CTNNA3: variants seen among roughly 807,000 people sequenced by gnomAD.
CTNNA3 encodes the protein catenin alpha-3.
Under a neutral mutation model 95.7 loss-of-function variants are expected in CTNNA3, and 76 were observed. The observed-to-expected ratio is 0.79, with a 90% CI of 0.66 to 0.96. The LOEUF (loss-of-function observed/expected upper bound fraction) is 0.96. Among genes scored for constraint, CTNNA3 ranks in the 40% least tolerant of loss-of-function variants. The probability of loss-of-function intolerance (pLI) is 0.00; values close to 1 mark genes in which losing one functional copy is unlikely to be tolerated. For missense variants in CTNNA3, 1,191 were observed against 1,089.8 expected (o/e 1.09, Z -1.31); for synonymous variants, 431 against 374.4 (o/e 1.15, Z -1.74).
intron 13 of CTNNA3, among the ~76,000 whole-genome samples, chr10:66,167,905 C>T (rs370525011): frequency 1.3e-5 from 2 of 152,102 alleles, no homozygotes; most frequent in Non-Finnish European, 2.9e-5. Flanking sequence ...GCCTTAATAT[C>T]CCAGATACAC....
At chr10:67,396,079 T>C (rs1173415282) in intron 5 of CTNNA3, among the ~76,000 whole-genome samples, 1 of 152,120 alleles carries the variant, frequency 6.6e-6, no homozygotes, top group Non-Finnish European at 1.5e-5. Context: ...AAATTTTAAA[T>C]GACATAAAAA....
At chr10:65,967,066 C>T (rs1043648809) in intron 16 of CTNNA3, among the ~76,000 whole-genome samples, 8 of 152,084 alleles carry the variant, frequency 5.3e-5, no homozygotes, top group Admixed American at 3.3e-4. Context: ...AAGTGATTCT[C>T]CTGTCTCAGC....
intron 14 of CTNNA3, among the ~76,000 whole-genome samples, chr10:66,070,718 T>G (rs2080417770): frequency 6.6e-6 from 1 of 152,138 alleles, no homozygotes; most frequent in Non-Finnish European, 1.5e-5. Flanking sequence ...CCCTCCTGTC[T>G]AAGTTTCCCT....
Position 66,386,415 on chromosome 10 carries a change from G to A in CTNNA3, c.1532-7063C>T, listed in dbSNP as rs941274226. Among the ~76,000 whole-genome samples, 44 of 152,044 alleles carry A rather than the reference G, an allele frequency of 2.9e-4. 1 individual carries two copies. Among genetic ancestry groups the A allele is most frequent in the African/African-American group, 9.4e-4 (39 of 41,400 alleles). ...GAAGTGAAGGACCACTTCAAGGAGA[G>A]CTACAAACCACTGCTCAATGAAATA... On this transcript the variant is annotated intron_variant, in intron 11 of 17. Transcript: ENST00000433211.
chr10:67,442,173 G>A (rs1369486166), intron 5 of CTNNA3, among the ~76,000 whole-genome samples: 28 of 152,030 alleles, frequency 1.8e-4, no homozygotes, highest in Admixed American at 1.8e-3. Context: ...CGGGTTATAA[G>A]ATAGTATTTG....
chr10:67,249,900 A>G (rs1866040048), intron 5 of CTNNA3, among the ~76,000 whole-genome samples: 1 of 152,216 alleles, frequency 6.6e-6, no homozygotes, highest in South Asian at 2.1e-4. Context: ...AAACCCACAC[A>G]GACATGGGTA....
At chr10:66,002,089 T>C (rs2078781505) in intron 15 of CTNNA3, among the ~76,000 whole-genome samples, 1 of 152,108 alleles carries the variant, frequency 6.6e-6, no homozygotes, top group Non-Finnish European at 1.5e-5. Flanking sequence ...ATTACAAGAG[T>C]AGGGGAATTC....
intron 10 of CTNNA3, among the ~76,000 whole-genome samples, chr10:66,610,167 G>C (rs1414171207): frequency 1.3e-5 from 2 of 152,038 alleles, no homozygotes; most frequent in African/African-American, 2.4e-5. Flanking sequence ...TAATACCTGG[G>C]TGACAAAATA....
At chr10:67,441,332 C>A (rs893214604) in intron 5 of CTNNA3, among the ~76,000 whole-genome samples, 2 of 149,938 alleles carry the variant, frequency 1.3e-5, no homozygotes, top group Non-Finnish European at 3.0e-5. Context: ...CTCGAAAGGG[C>A]AAATCTAAGA....
intron 10 of CTNNA3, among the ~76,000 whole-genome samples, chr10:66,552,817 T>C (rs1842260660): frequency 6.6e-6 from 1 of 152,130 alleles, no homozygotes; most frequent in South Asian, 2.1e-4. Flanking sequence ...CCTTGAAGTC[T>C]ATCTTCTCTG....
At chr10:66,447,069 T>A (rs1312748561) in intron 11 of CTNNA3, among the ~76,000 whole-genome samples, 1 of 151,586 alleles carries the variant, frequency 6.6e-6, no homozygotes, top group Non-Finnish European at 1.5e-5. Context: ...TGAACTCCCA[T>A]TCACAATTGC....
In CTNNA3 at chr10:66,566,650, C is replaced by CGCT. The variant is rs529939649; in HGVS notation, c.1375-45880_1375-45878dup. 3.7e-4 allele frequency among the ~76,000 whole-genome samples: 56 copies of CGCT among 152,176 alleles called. 2 individuals are homozygous for CGCT. In the South Asian group the frequency reaches 0.011, roughly 31 times the overall value. On this transcript the variant is annotated intron_variant, in intron 10 of 17. Transcript: ENST00000433211. ...AGTACAATGTGAATCTCCTTCCCAT[C>CGCT]GCTGTCTCCTTGTCCTCTTCATGCT... is the stretch of plus-strand genomic sequence containing the variant.
intron 7 of CTNNA3, among the ~76,000 whole-genome samples, chr10:66,805,583 GA>G (rs566520827): frequency 9.0e-4 from 136 of 150,946 alleles, no homozygotes; most frequent in African/African-American, 3.1e-3. Flanking sequence ...ATGGGGGGGA[GA>G]AAAACATAAG....
At chr10:66,008,640 C>T (rs771983581) in intron 15 of CTNNA3, among the ~76,000 whole-genome samples, 4 of 152,106 alleles carry the variant, frequency 2.6e-5, no homozygotes, top group Non-Finnish European at 5.9e-5. Context: ...CATTATCATG[C>T]TACTAAGTTA....
At chr10:65,981,793 G>A (rs182831190) in intron 16 of CTNNA3, among the ~76,000 whole-genome samples, 1 of 151,884 alleles carries the variant, frequency 6.6e-6, no homozygotes, top group African/African-American at 2.4e-5. Flanking sequence ...TGGCTAGCCA[G>A]ATGTAGAAGA....
At chr10:66,590,932 A>G (rs1451816139) in intron 10 of CTNNA3, among the ~76,000 whole-genome samples, 1 of 152,176 alleles carries the variant, frequency 6.6e-6, no homozygotes, top group East Asian at 1.9e-4. Context: ...GAATCTATAA[A>G]CACAGGGACT....
chr10:66,506,124 C>G (rs192663632), intron 11 of CTNNA3, among the ~76,000 whole-genome samples: 4 of 152,190 alleles, frequency 2.6e-5, no homozygotes, highest in Admixed American at 1.3e-4. Flanking sequence ...TTTCAAATAA[C>G]CTGCCCTTGC....
At chr10:66,543,134 G>C (rs1227279412) in intron 10 of CTNNA3, among the ~76,000 whole-genome samples, 2 of 152,042 alleles carry the variant, frequency 1.3e-5, no homozygotes, top group Non-Finnish European at 2.9e-5. Context: ...TGCTGCCCAG[G>C]CTAGAGTTCA....
rs137891644 is a variant in CTNNA3 at position 67,256,049 on chromosome 10, A to AC, written c.580-36180_580-36179insG. Among the ~76,000 whole-genome samples the AC allele has an allele frequency of 0.017, 2,615 of 151,776 alleles. 192 individuals carry two copies. In the East Asian group the frequency reaches 0.26, roughly 15 times the overall value. On this transcript the variant is annotated intron_variant, in intron 5 of 17. Transcript: ENST00000433211. ...CAATAAGAACAGCAGCAAAAAAAAA[A>AC]GGATTTCTCTCCTTTAAAATTCTTA...
Sources: allele counts gnomAD v4.1 joint callset (sites outside exome capture counted in the v4.1 genomes callset), GRCh38; gene constraint gnomAD v4.1.1; transcripts MANE v1.5; gene names NCBI Gene and HGNC (gene_info 2026-07-23, HGNC 2026-07-21).